The following AHRR variants were observed in gnomAD, a reference collection of about 807,000 sequenced individuals.
The protein encoded by AHRR is ahR repressor.
In AHRR, 28 loss-of-function variants were observed where a neutral mutation model predicts 44.0. That is an observed-to-expected ratio of 0.64 (90% confidence interval 0.47 to 0.87). The LOEUF is 0.87. Ranked by LOEUF, AHRR falls within the 40% of genes least tolerant of loss-of-function variation. The pLI is 0.00. For synonymous variants in AHRR, 434 were observed against 407.0 expected (o/e 1.07, Z -0.80); for missense variants, 990 against 953.9 (o/e 1.04, Z -0.50).
intron 4 of AHRR, among the ~76,000 whole-genome samples, chr5:376,946 G>C (rs1733735802): frequency 6.6e-6 from 1 of 152,168 alleles, no homozygotes; most frequent in Admixed American, 6.5e-5. Context: ...GGACAGAGAA[G>C]GCAGCCCGAG....
At chr5:354,989 G>A (rs559009611) in intron 3 of AHRR, among the ~76,000 whole-genome samples, 1 of 152,250 alleles carries the variant, frequency 6.6e-6, no homozygotes, top group Non-Finnish European at 1.5e-5. Flanking sequence ...GTCCCGGCTG[G>A]CCGCAGCCTC....
intron 1 of AHRR, among the ~76,000 whole-genome samples, chr5:332,290 C>T (rs1346898945): frequency 1.7e-5 from 2 of 119,556 alleles, no homozygotes; most frequent in African/African-American, 6.3e-5. Flanking sequence ...TTTTTTAAGG[C>T]AGAGTCTCAC....
chr5:378,762 A>G (rs1733852934), intron 4 of AHRR, among the ~76,000 whole-genome samples: 1 of 152,108 alleles, frequency 6.6e-6, no homozygotes, highest in African/African-American at 2.4e-5. Context: ...CTAGGTTTTC[A>G]TTCTGTCTTT....
At chr5:398,125 T>TCCTGACCGTCCATGTTAGCC (rs1734834940) in intron 4 of AHRR, among the ~76,000 whole-genome samples, 5 of 80,144 alleles carry the variant, frequency 6.2e-5, no homozygotes, top group African/African-American at 4.8e-4. Flanking sequence ...TCCACGTAGC[T>TCCTGACCGTCCATGTTAGCC]CCTGACCGTC....
rs1051179443 is a variant in AHRR at position 388,396 on chromosome 5, C to G, written c.351+11680C>G. Among the ~76,000 whole-genome samples, 12 of 152,194 alleles carry G rather than the reference C, an allele frequency of 7.9e-5. No individual in the cohort carries two copies. Among genetic ancestry groups the G allele is most frequent in the African/African-American group, 2.7e-4 (11 of 41,444 alleles). Reference sequence around the variant, plus strand: ...TCCATCGATGGCTATGGGGAGGGTACCTGCCATTACCTCTGTTTATGCTTG... The same window carrying G: ...TCCATCGATGGCTATGGGGAGGGTAGCTGCCATTACCTCTGTTTATGCTTG... On this transcript the variant is annotated intron_variant, in intron 4 of 10. Coordinates refer to ENST00000684583, the MANE Select transcript of AHRR (RefSeq NM_001377236.1). The surrounding 1 kb of genome is among the most constrained non-coding windows in gnomAD (Gnocchi z 5.2).
rs1350916958 is a variant in AHRR at position 411,860 on chromosome 5, C to T, written c.352-1484C>T. On this transcript the variant is annotated intron_variant, in intron 4 of 10. Transcript: ENST00000684583. The surrounding 1 kb of genome is among the most constrained non-coding windows in gnomAD (Gnocchi z 4.2). ...GAAAGCTGTGTCCAGGTGACTCAGCCCCCTCACCCCCAGCTTCTACCTCGT... is the reference window on the plus strand; with the variant it reads ...GAAAGCTGTGTCCAGGTGACTCAGCTCCCTCACCCCCAGCTTCTACCTCGT... Among the ~76,000 whole-genome samples, 2 of 152,148 alleles carry T rather than the reference C, an allele frequency of 1.3e-5. No homozygotes were observed. Among genetic ancestry groups the T allele is most frequent in the Non-Finnish European group, 2.9e-5 (2 of 68,024 alleles).
At position 433,986 on chromosome 5, in the gene AHRR, C is replaced by T. The variant is rs1408809438; in HGVS notation, c.1246C>T (p.Leu416=). ...CAGTGAGGATGGTGCCAGGCCGAGG[C>T]TGCAGCCCAGCAAGAATGACCCGCC... ...KHSEDGARPR[L]QPSKNDPPSL... The change falls in exon 11 of 11, where the codon CTG becomes TTG. Residue 416 remains leucine, a synonymous_variant. Transcript: ENST00000684583. The T allele has an allele frequency of 6.4e-7, 1 of 1,570,986 alleles. No individual in the cohort carries two copies. The highest frequency in any genetic ancestry group is 2.2e-5 in the East Asian group (1 of 44,542).
chr5:406,908 A>T lies in AHRR; in HGVS notation c.352-6436A>T, dbSNP rs1735280025. On this transcript the variant is annotated intron_variant, in intron 4 of 10. Coordinates refer to ENST00000684583, the MANE Select transcript of AHRR (RefSeq NM_001377236.1). This position sits in a 1 kb window ranked among gnomAD's most constrained non-coding sequence, Gnocchi z 4.7. ...CTGATCAAACAGGCAATAATAACAAAGTTTCTTAATAGGGCACCAGTTATT... is the reference window on the plus strand; with the variant it reads ...CTGATCAAACAGGCAATAATAACAATGTTTCTTAATAGGGCACCAGTTATT... Among the ~76,000 whole-genome samples, 1 of 152,204 alleles carries T rather than the reference A, an allele frequency of 6.6e-6. No homozygotes were observed. Among genetic ancestry groups the T allele is most frequent in the Admixed American group, 6.5e-5 (1 of 15,288 alleles).
chr5:411,139 A>G lies in AHRR; in HGVS notation c.352-2205A>G, dbSNP rs552671150. 6.6e-6 allele frequency among the ~76,000 whole-genome samples: 1 copy of G among 152,060 alleles called. No individual in the cohort carries two copies. The highest frequency in any genetic ancestry group is 1.9e-4 in the East Asian group (1 of 5,180). On this transcript the variant is annotated intron_variant, in intron 4 of 10. Coordinates refer to ENST00000684583, the MANE Select transcript of AHRR (RefSeq NM_001377236.1). The surrounding 1 kb of genome is among the most constrained non-coding windows in gnomAD (Gnocchi z 4.2). The stretch of plus-strand genomic sequence containing the variant: ...TATTTGACTGTTCTAAACCATTTTC[A>G]TGGATTTTTGACTCTTACCTTTATT...
intron 3 of AHRR, among the ~76,000 whole-genome samples, chr5:375,098 A>G (rs978599737): frequency 1.3e-5 from 2 of 152,196 alleles, no homozygotes; most frequent in Admixed American, 6.5e-5. Context: ...GTGACCCACA[A>G]TGAGGTTCAG....
intron 9 of AHRR, 89 bp from the exon 10 acceptor site, chr5:432,717 G>T: frequency 6.2e-7 from 1 of 1,601,142 alleles, no homozygotes; most frequent in Non-Finnish European, 8.6e-7. Flanking sequence ...GGAGCCGATG[G>T]GTCCTGCCTT....
chr5:365,879 G>GA (rs1264439806), intron 3 of AHRR, among the ~76,000 whole-genome samples: 1 of 152,118 alleles, frequency 6.6e-6, no homozygotes, highest in African/African-American at 2.4e-5. Flanking sequence ...TTCACACAGA[G>GA]AAAATCTAGG....
chr5:339,886 A>T (rs1742271297), intron 1 of AHRR, among the ~76,000 whole-genome samples: 2 of 127,008 alleles, frequency 1.6e-5, no homozygotes, highest in African/African-American at 1.1e-4. Context: ...AATTCCTTGG[A>T]TAAATCCCAC....
At chr5:348,765 G>A (rs1300526980) in intron 2 of AHRR, among the ~76,000 whole-genome samples, 2 of 152,210 alleles carry the variant, frequency 1.3e-5, no homozygotes, top group East Asian at 1.9e-4. Context: ...AGTTCAGGTC[G>A]TTCTCTGTTT....
At chr5:341,342 C>G (rs1010573671) in intron 1 of AHRR, among the ~76,000 whole-genome samples, 4 of 152,148 alleles carry the variant, frequency 2.6e-5, no homozygotes, top group Non-Finnish European at 4.4e-5. Flanking sequence ...CTTTTAATGT[C>G]TGTGGGATCT....
intron 2 of AHRR, among the ~76,000 whole-genome samples, chr5:346,882 G>A (rs1467957711): frequency 6.6e-6 from 1 of 152,194 alleles, no homozygotes; most frequent in Non-Finnish European, 1.5e-5. Flanking sequence ...CGCCTCCGGG[G>A]TCTCATGTCT....
intron 3 of AHRR, 101 bp from the exon 4 acceptor site, chr5:376,509 A>T: frequency 1.6e-6 from 2 of 1,265,614 alleles, no homozygotes; most frequent in South Asian, 1.5e-5. Flanking sequence ...TCAGGTGAGA[A>T]CCGTGGGGTG....
In AHRR at chr5:328,255, ATTTTTTTTTT is replaced by A. The variant is rs70955232; in HGVS notation, c.-11+6457_-11+6466del. Among the ~76,000 whole-genome samples, 45 of 54,284 alleles carry A rather than the reference ATTTTTTTTTT, an allele frequency of 8.3e-4. 1 individual carries two copies. The highest frequency in any genetic ancestry group is 1.8e-3 in the African/African-American group (30 of 16,820). 35.6% of individuals were successfully genotyped at this position (54,284 alleles called of 152,430 possible). On this transcript the variant is annotated intron_variant, in intron 1 of 10. Coordinates refer to ENST00000684583, the MANE Select transcript of AHRR (RefSeq NM_001377236.1). Reference sequence around the variant, plus strand: ...TTCTCTGCATCCTCACCAACATCTGATTTTTTTTTTTTTTTTTTTTTTTTTTTTTTGAGAC... The same window carrying A: ...TTCTCTGCATCCTCACCAACATCTGATTTTTTTTTTTTTTTTTTTTGAGAC...
intron 4 of AHRR, among the ~76,000 whole-genome samples, chr5:391,377 C>T (rs370410384): frequency 1.9e-4 from 14 of 72,258 alleles, no homozygotes; most frequent in African/African-American, 3.3e-4. Context: ...CGTGCATGGG[C>T]GCAGGGCGAG....
Sources: gnomAD v4.1 joint callset for allele counts (sites outside exome capture counted in the v4.1 genomes callset) on GRCh38, gnomAD v4.1.1 for gene constraint, Gnocchi (gnomAD v3.1) non-coding constraint, MANE v1.5 for transcripts, NCBI Gene and HGNC (gene_info 2026-07-23, HGNC 2026-07-21) for gene names.